The following PTGR2 variants were observed in gnomAD, a reference collection of about 807,000 sequenced individuals.
PTGR2 encodes prostaglandin reductase 2.
Under a neutral mutation model 43.4 loss-of-function variants are expected in PTGR2, and 32 were observed. The observed-to-expected ratio is 0.74, with a 90% CI of 0.56 to 0.99. The LOEUF (loss-of-function observed/expected upper bound fraction) is 0.99, where lower values mean the gene tolerates loss of function less well. Among genes scored for constraint, PTGR2 ranks in the 50% least tolerant of loss-of-function variants. The pLI is 0.00. For synonymous variants in PTGR2, 106 were observed against 139.2 expected, an observed-to-expected ratio of 0.76 and a Z score of 1.68; for missense variants, 373 against 420.0, an observed-to-expected ratio of 0.89 and a Z score of 0.98.
intron 1 of PTGR2, among the ~76,000 whole-genome samples, chr14:73,854,163 A>G (rs1396946240): frequency 6.6e-6 from 1 of 151,994 alleles, no homozygotes; most frequent in African/African-American, 2.4e-5. Flanking sequence ...AGTGCAATGG[A>G]TCAGTTTCGG....
chr14:73,878,697 T>C lies in PTGR2; in HGVS notation c.520-399T>C, dbSNP rs566981347. Reference sequence around the variant, plus strand: ...CCATAAGGGTAAACAACTGGTACTCTACGGTGTACTGTGTTGCCAGATGAT... The same window carrying C: ...CCATAAGGGTAAACAACTGGTACTCCACGGTGTACTGTGTTGCCAGATGAT... On this transcript the variant is annotated intron_variant, in intron 5 of 9. Transcript: ENST00000555661. 7 of 400,032 alleles carry C rather than the reference T, an allele frequency of 1.7e-5. No homozygotes were observed. The Admixed American group carries it at 2.1e-4, about 12-fold the overall frequency. The allele number at this position is 400,032 out of a possible 1,614,324, so 24.8% of individuals were successfully genotyped here.
chr14:73,883,740 C>A (rs1476667275), intron 9 of PTGR2, among the ~76,000 whole-genome samples: 3 of 152,222 alleles, frequency 2.0e-5, no homozygotes. Flanking sequence ...CCCACCTTGG[C>A]CTCCCAAAGT....
chr14:73,852,603 C>A (rs556844480), intron 1 of PTGR2, among the ~76,000 whole-genome samples: 1 of 152,052 alleles, frequency 6.6e-6, no homozygotes, highest in Non-Finnish European at 1.5e-5. Context: ...TTAGCGCTGA[C>A]GAGCTGGGCA....
At chr14:73,869,439 T>C (rs1010539236) in intron 3 of PTGR2, among the ~76,000 whole-genome samples, 6 of 151,396 alleles carry the variant, frequency 4.0e-5, no homozygotes, top group Non-Finnish European at 1.5e-5. Context: ...GGAGGATCAC[T>C]TGAGCCCGGG....
At chr14:73,873,910 T>C in intron 3 of PTGR2, 113 bp from the exon 4 acceptor site, 1 of 707,878 alleles carries the variant, frequency 1.4e-6, no homozygotes, top group Non-Finnish European at 2.2e-6. Flanking sequence ...TTGAGTTGAT[T>C]TTTATGTATT....
intron 3 of PTGR2, among the ~76,000 whole-genome samples, chr14:73,862,604 GGTAACAGCAAT>G (rs1195787927): frequency 6.6e-6 from 1 of 152,094 alleles, no homozygotes; most frequent in Non-Finnish European, 1.5e-5. Context: ...CTGCTGTCTA[GGTAACAGCAAT>G]GTACCAATGT....
intron 3 of PTGR2, among the ~76,000 whole-genome samples, chr14:73,865,198 G>A (rs568692046): frequency 1.1e-4 from 17 of 152,256 alleles, no homozygotes; most frequent in African/African-American, 4.1e-4. Context: ...CTCAATCCAA[G>A]CTGGAAGGCC....
At chr14:73,857,835 A>G (rs2054396175) in intron 1 of PTGR2, among the ~76,000 whole-genome samples, 1 of 150,956 alleles carries the variant, frequency 6.6e-6, no homozygotes. Context: ...CGCCTGGCTT[A>G]TTTTTTTGTA....
intron 2 of PTGR2, 78 bp from the exon 3 acceptor site, chr14:73,860,461 T>A: frequency 1.5e-6 from 1 of 687,474 alleles, no homozygotes; most frequent in East Asian, 3.0e-5. Context: ...AGCAAGACTC[T>A]GTCTCAAATA....
chr14:73,864,641 T>TC (rs2054563750), intron 3 of PTGR2, among the ~76,000 whole-genome samples: 2 of 152,220 alleles, frequency 1.3e-5, no homozygotes, highest in African/African-American at 2.4e-5. Context: ...AGTTGGATTA[T>TC]CTGTGTTTTT....
chr14:73,871,969 GC>G (rs2054745503), intron 3 of PTGR2, among the ~76,000 whole-genome samples: 1 of 152,132 alleles, frequency 6.6e-6, no homozygotes, highest in South Asian at 2.1e-4. Flanking sequence ...AGAAGCTTCT[GC>G]ATCAGTTCTC....
At chr14:73,859,865 GT>G (rs35206130) in intron 2 of PTGR2, among the ~76,000 whole-genome samples, 44 of 143,198 alleles carry the variant, frequency 3.1e-4, no homozygotes, top group Non-Finnish European at 2.9e-4. Flanking sequence ...ACTTGTGCCT[GT>G]TTTTTTTTTT....
rs200787779 is a variant in PTGR2, at chr14:73,881,764, A to G, written c.939+472A>G. ...ATCTGGGCTTCAGACATACTGGCCT[A>G]GGCTATTCTTTTTTTTTTTTTTTTT... On this transcript the variant is annotated intron_variant, in intron 8 of 9. Transcript: ENST00000555661. Among the ~76,000 whole-genome samples, 304 of 134,716 alleles carry G rather than the reference A, an allele frequency of 2.3e-3. 2 individuals are homozygous for G. Among genetic ancestry groups the G allele is most frequent in the African/African-American group, 8.0e-3 (288 of 35,900 alleles). The allele number at this position is 134,716 out of a possible 152,430, so 88.4% of individuals were successfully genotyped here.
chr14:73,879,910 T>C, intron 6 of PTGR2, 145 bp from the exon 7 acceptor site: 1 of 678,650 alleles, frequency 1.5e-6, no homozygotes, highest in South Asian at 2.0e-5. Context: ...GTTAAAATTC[T>C]TAAATACCTC....
At chr14:73,855,000 A>G (rs570361823) in intron 1 of PTGR2, among the ~76,000 whole-genome samples, 2 of 152,338 alleles carry the variant, frequency 1.3e-5, no homozygotes, top group East Asian at 3.9e-4. Context: ...GGTAAATGAC[A>G]CCATGAGGAA....
At chr14:73,868,505 C>T (rs1160251832) in intron 3 of PTGR2, among the ~76,000 whole-genome samples, 1 of 152,046 alleles carries the variant, frequency 6.6e-6, no homozygotes, top group African/African-American at 2.4e-5. Context: ...GAGTAACTGT[C>T]CCTGGCAGGA....
chr14:73,873,005 A>G (rs1479826721), intron 3 of PTGR2, among the ~76,000 whole-genome samples: 1 of 151,474 alleles, frequency 6.6e-6, no homozygotes, highest in African/African-American at 2.4e-5. Context: ...ATGGTGTACA[A>G]CATGATGTTT....
rs150527162 is a variant in PTGR2 at position 73,877,125 on chromosome 14, T to C, written c.476T>C (p.Val159Ala). The C allele has an allele frequency of 6.2e-7, 1 of 1,613,930 alleles. No individual in the cohort carries two copies. Among genetic ancestry groups the C allele is most frequent in the Non-Finnish European group, 8.5e-7 (1 of 1,179,984 alleles). The change falls in exon 5 of 10, where the codon GTT becomes GCT. Residue 159 changes from valine (V) to alanine (A), a missense_variant. By Grantham distance (64) the Val-to-Ala change is moderately conservative. Transcript: ENST00000555661. ...HITAGSNKTM[V>A]VSGAAGACGS... ...ACTGCTGGATCTAATAAGACAATGG[T>C]TGTCAGTGGGGCCGCAGGTGCCTGT...
chr14:73,881,220 A>G lies in PTGR2; in HGVS notation c.867A>G (p.Val289=). 1 of 1,605,296 alleles carries G rather than the reference A, an allele frequency of 6.2e-7. No homozygotes were observed. Among genetic ancestry groups the G allele is most frequent in the Non-Finnish European group, 8.5e-7 (1 of 1,172,126 alleles). Residue 289 remains valine (V), a synonymous_variant, in exon 8 of 10, where the codon GTA becomes GTG. Transcript: ENST00000555661. ...CTCACTGCAGGGAAAGATTTCTGGT[A>G]TTAAATTATAAAGACAAATTTGAGC... The part of the protein sequence containing the change: ...ERNITRERFL[V]LNYKDKFEPG...
Sources: gnomAD v4.1 joint callset for allele counts (sites outside exome capture counted in the v4.1 genomes callset) on GRCh38, gnomAD v4.1.1 for gene constraint, MANE v1.5 for transcripts, NCBI Gene and HGNC (gene_info 2026-07-23, HGNC 2026-07-21) for gene names.